SNX29: variants seen among roughly 807,000 people sequenced by gnomAD.
SNX29 encodes sorting nexin 29, also known as sorting nexin-29.
In SNX29, 78 loss-of-function variants were observed where a neutral mutation model predicts 102.1. The ratio of observed to expected loss-of-function variants is 0.76; its 90% CI spans 0.64 to 0.92. SNX29 has a LOEUF of 0.92. Ranked by LOEUF, SNX29 falls within the 40% of genes least tolerant of loss-of-function variation. SNX29 has a pLI of 0.00. For synonymous variants in SNX29, 580 were observed against 414.5 expected (o/e 1.40, Z -4.85); for missense variants, 1,280 against 1,061.7 (o/e 1.21, Z -2.86).
chr16:12,221,918 C>A (rs137999495), intron 14 of SNX29, among the ~76,000 whole-genome samples: 2 of 152,166 alleles, frequency 1.3e-5, no homozygotes, highest in Non-Finnish European at 2.9e-5. Context: ...TGTCACTGAC[C>A]GTACCATCTC....
chr16:12,411,488 C>T (rs919727069), intron 18 of SNX29, among the ~76,000 whole-genome samples: 5 of 152,224 alleles, frequency 3.3e-5, no homozygotes. Context: ...AATGCTCTCC[C>T]CTTCCTGCTG....
In SNX29 at chr16:12,492,776, A is replaced by G. The variant is rs1181792334; in HGVS notation, c.2178+14917A>G. On this transcript the variant is annotated intron_variant, in intron 19 of 20. Transcript: ENST00000566228. ...CTAGCCAGTTTTCCCAGCACCATTTATTAAATAGGGAATCCTTTCCCCATT... is the reference window on the plus strand; with the variant it reads ...CTAGCCAGTTTTCCCAGCACCATTTGTTAAATAGGGAATCCTTTCCCCATT... Among the ~76,000 whole-genome samples, 4 of 152,324 alleles carry G rather than the reference A, an allele frequency of 2.6e-5. No individual in the cohort carries two copies. In the East Asian group the frequency reaches 7.7e-4, roughly 29 times the overall value.
At chr16:12,109,077 C>A (rs350252) in intron 11 of SNX29, among the ~76,000 whole-genome samples, 1 of 145,178 alleles carries the variant, frequency 6.9e-6, no homozygotes, top group South Asian at 2.2e-4. Flanking sequence ...GCAGTGATCC[C>A]AGATCATGCC....
At chr16:12,050,247 T>C (rs1317192205) in intron 7 of SNX29, among the ~76,000 whole-genome samples, 1 of 152,202 alleles carries the variant, frequency 6.6e-6, no homozygotes, top group African/African-American at 2.4e-5. Flanking sequence ...GCATCACACA[T>C]TGGTTTAGAC....
Position 11,976,775 on chromosome 16 carries a change from G to C in SNX29, c.-32G>C. On this transcript the variant is annotated 5_prime_UTR_variant, in exon 1 of 21. Coordinates refer to ENST00000566228, the MANE Select transcript of SNX29 (RefSeq NM_032167.5). ...CCGCAGAAGCGGCAGCGGCGGCGGC[G>C]CGGCGCAGGCACCGGCCCGGGGAGA... 7.6e-7 allele frequency: 1 copy of C among 1,324,210 alleles called. No homozygotes were observed. Among genetic ancestry groups the C allele is most frequent in the Non-Finnish European group, 9.7e-7 (1 of 1,035,932 alleles). 82.0% of individuals were successfully genotyped at this position (1,324,210 alleles called of 1,614,324 possible).
At chr16:12,478,447 T>G (rs1455810319) in intron 19 of SNX29, among the ~76,000 whole-genome samples, 2 of 152,216 alleles carry the variant, frequency 1.3e-5, no homozygotes, top group African/African-American at 4.8e-5. Flanking sequence ...GGTTAATGAT[T>G]TATGATGACC....
At position 12,573,048 on chromosome 16, in the gene SNX29, G is replaced by A. The variant is rs1448776952; in HGVS notation, c.*4419G>A. Reference sequence around the variant, plus strand: ...GATTGGCGTCCGTGCTAATTCTGCAGTTGTAGCACTGTATATTTTATCTCA... The same window carrying A: ...GATTGGCGTCCGTGCTAATTCTGCAATTGTAGCACTGTATATTTTATCTCA... On this transcript the variant is annotated 3_prime_UTR_variant, in exon 21 of 21. Coordinates refer to ENST00000566228, the MANE Select transcript of SNX29 (RefSeq NM_032167.5). 1 of 236,970 alleles carries A rather than the reference G, an allele frequency of 4.2e-6. No individual in the cohort carries two copies. The highest frequency in any genetic ancestry group is 2.2e-5 in the African/African-American group (1 of 45,270). The allele number at this position is 236,970 out of a possible 1,614,324, so 14.7% of individuals were successfully genotyped here.
chr16:12,527,950 G>A lies in SNX29; in HGVS notation c.2318+3109G>A, dbSNP rs1032894196. 4.6e-4 allele frequency among the ~76,000 whole-genome samples: 69 copies of A among 149,796 alleles called. 1 individual carries two copies. The highest frequency in any genetic ancestry group is 1.7e-3 in the African/African-American group (68 of 40,648). On this transcript the variant is annotated intron_variant, in intron 20 of 20. Coordinates refer to ENST00000566228, the MANE Select transcript of SNX29 (RefSeq NM_032167.5). ...CGCCATTCTCCTGCTTCAGCCTCCCGAGTAGCTGGGACTACATGTGCCCAC... is the reference window on the plus strand; with the variant it reads ...CGCCATTCTCCTGCTTCAGCCTCCCAAGTAGCTGGGACTACATGTGCCCAC...
Position 12,245,786 on chromosome 16 carries a change from T to C in SNX29, c.1679-32147T>C, listed in dbSNP as rs111381922. Among the ~76,000 whole-genome samples, 1,082 of 151,644 alleles carry C rather than the reference T, an allele frequency of 7.1e-3. 13 individuals are homozygous for C. The highest frequency in any genetic ancestry group is 0.025 in the African/African-American group (1,048 of 41,316). ...TTGGCAGCTCTGGGGCAGGCAGCTT[T>C]GTGGTTGATGGTGAGGGTAGGGAGA... On this transcript the variant is annotated intron_variant, in intron 14 of 20. Coordinates refer to ENST00000566228, the MANE Select transcript of SNX29 (RefSeq NM_032167.5).
chr16:12,572,008 G>A lies in SNX29; in HGVS notation c.*3379G>A, dbSNP rs564610525. 3.3e-5 allele frequency: 35 copies of A among 1,062,742 alleles called. No homozygotes were observed. Among genetic ancestry groups the A allele is most frequent in the Admixed American group, 5.4e-5 (1 of 18,648 alleles). 65.8% of individuals were successfully genotyped at this position (1,062,742 alleles called of 1,614,324 possible). A position where few individuals can be genotyped will look rare whatever the true frequency, so the allele number is the denominator to read the frequency against. ...CATCCAGTCACCAGTTGCATCTAGG[G>A]AGCTGCTGGCTATAAAAGGGATCAT... On this transcript the variant is annotated 3_prime_UTR_variant, in exon 21 of 21. Transcript: ENST00000566228.
intron 20 of SNX29, chr16:12,526,837 C>T (rs376021970): frequency 6.0e-5 from 24 of 401,720 alleles, no homozygotes; most frequent in East Asian, 3.9e-4. Flanking sequence ...CCCAAACATT[C>T]GCGTGCCGAA....
chr16:12,282,009 G>A (rs1385051637), intron 15 of SNX29, among the ~76,000 whole-genome samples: 2 of 142,696 alleles, frequency 1.4e-5, no homozygotes, highest in South Asian at 2.2e-4. Context: ...ACTTGAACCC[G>A]AGAAGAGGAA....
chr16:12,541,164 G>A (rs186104970), intron 20 of SNX29, among the ~76,000 whole-genome samples: 15 of 152,216 alleles, frequency 9.9e-5, no homozygotes, highest in Non-Finnish European at 1.3e-4. Context: ...ACCCAGACCT[G>A]GAACCTCTTC....
intron 20 of SNX29, among the ~76,000 whole-genome samples, chr16:12,552,463 C>T (rs543971275): frequency 6.6e-6 from 1 of 152,190 alleles, no homozygotes; most frequent in Non-Finnish European, 1.5e-5. Context: ...TCGGGTCCAT[C>T]TCATCACCCA....
chr16:12,490,335 C>T (rs890057371), intron 19 of SNX29, among the ~76,000 whole-genome samples: 28 of 152,342 alleles, frequency 1.8e-4, no homozygotes, highest in African/African-American at 6.5e-4. Context: ...TTTCTCTCAG[C>T]ATCACATCTG....
At chr16:12,558,626 G>A (rs564947882) in intron 20 of SNX29, among the ~76,000 whole-genome samples, 3 of 152,284 alleles carry the variant, frequency 2.0e-5, no homozygotes, top group East Asian at 3.9e-4. Flanking sequence ...TGCAGGCCCC[G>A]AGCTTAAAAG....
At chr16:12,033,656 G>A (rs1021470599) in intron 4 of SNX29, among the ~76,000 whole-genome samples, 1 of 150,922 alleles carries the variant, frequency 6.6e-6, no homozygotes, top group African/African-American at 2.4e-5. Context: ...GCCCATGCTG[G>A]AGTGCAGTGG....
At chr16:12,143,158 C>T (rs961276695) in intron 13 of SNX29, among the ~76,000 whole-genome samples, 13 of 151,984 alleles carry the variant, frequency 8.6e-5, no homozygotes, top group Admixed American at 1.3e-4. Context: ...CCACCATGCC[C>T]GGCTAATTTT....
At chr16:12,031,533 G>A (rs1419309845) in intron 4 of SNX29, among the ~76,000 whole-genome samples, 1 of 151,918 alleles carries the variant, frequency 6.6e-6, no homozygotes, top group South Asian at 2.1e-4. Flanking sequence ...ATGGCCGGGC[G>A]TGGTGGCTCA....
Sources: gnomAD v4.1 joint callset for allele counts (sites outside exome capture counted in the v4.1 genomes callset) on GRCh38, gnomAD v4.1.1 for gene constraint, MANE v1.5 for transcripts, NCBI Gene and HGNC (gene_info 2026-07-23, HGNC 2026-07-21) for gene names.